NID2: variants seen among roughly 807,000 people sequenced by gnomAD.
NID2 encodes nidogen-2.
In NID2, 83 loss-of-function variants were observed where a neutral mutation model predicts 145.4. That is an observed-to-expected ratio of 0.57 (90% CI 0.48 to 0.69). The LOEUF is 0.69. NID2 is among the 30% of genes least tolerant of loss of function. The pLI is 0.00. For synonymous variants in NID2, 739 were observed against 701.3 expected, an observed-to-expected ratio of 1.05 and a Z score of -0.85; for missense variants, 1,807 against 1,765.7, an observed-to-expected ratio of 1.02 and a Z score of -0.42.
intron 14 of NID2, among the ~76,000 whole-genome samples, chr14:52,016,010 C>T (rs1190683670): frequency 6.6e-6 from 1 of 152,138 alleles, no homozygotes. Context: ...TGAATCTTTT[C>T]CTGCAGGCTC....
In NID2 at chr14:52,027,324, G is replaced by A. The variant is rs1595019121; in HGVS notation, c.2551C>T (p.Pro851Ser). 1.3e-6 allele frequency: 2 copies of A among 1,579,426 alleles called. No individual in the cohort carries two copies. The highest frequency in any genetic ancestry group is 1.2e-5 in the South Asian group (1 of 86,312). ...CAGGTATGACTGCCATCCTCACAGGGGTTGGCAGGTGGGGTGATCACTGAA... is the reference window on the plus strand; with the variant it reads ...CAGGTATGACTGCCATCCTCACAGGAGTTGGCAGGTGGGGTGATCACTGAA... Reference protein sequence around the residue: ...TCILITPPANPCEDGSHTCAP... With the variant: ...TCILITPPANSCEDGSHTCAP... The change falls in exon 12 of 22, where the codon CCC (proline) becomes TCC (serine). Residue 851 changes from proline (P) to serine (S), a missense_variant. Coordinates refer to ENST00000216286, the MANE Select transcript of NID2 (RefSeq NM_007361.4).
rs528612157 is a variant in NID2, at chr14:52,067,888, C to A, written c.504G>T (p.Glu168Asp). ...CCGAGGGCAGCGCCCCGCGCTTGAC[C>A]TCCTCGTAAGCGCCTACCTGCTCCC... is the stretch of plus-strand genomic sequence containing the variant. ...ATWEQVGAYE[E>D]VKRGALPSGE... The change falls in exon 2 of 22, where the codon GAG (glutamate) becomes GAT (aspartate). Residue 168 changes from glutamate (E) to aspartate (D), a missense_variant. Transcript: ENST00000216286. 1 of 1,612,662 alleles carries A rather than the reference C, an allele frequency of 6.2e-7. No individual in the cohort carries two copies. The highest frequency in any genetic ancestry group is 1.7e-5 in the Admixed American group (1 of 59,952).
intron 12 of NID2, 31 bp downstream of exon 12, chr14:52,027,170 C>T (rs1305070797): frequency 1.4e-6 from 2 of 1,437,348 alleles, no homozygotes; most frequent in Non-Finnish European, 1.8e-6. Flanking sequence ...AGCAACTTTC[C>T]AGTCATTGAG....
Position 52,014,442 on chromosome 14 carries a change from C to A in NID2, c.3265G>T (p.Ala1089Ser). The change falls in exon 16 of 22, where the codon GCT (alanine) becomes TCT (serine). Residue 1089 changes from alanine to serine, a missense_variant. By Grantham distance (99) the Ala-to-Ser change is moderately conservative. Transcript: ENST00000216286. ...GGCGTGGGCCGGACCATGGGTGGAG[C>A]GACGGTGGGTATACCTGTGGGAGAG... is the stretch of plus-strand genomic sequence containing the variant. Reference protein sequence around the residue: ...GTTPACIPTVAPPMVRPTPRP... With the variant: ...GTTPACIPTVSPPMVRPTPRP... The A allele has an allele frequency of 6.2e-7, 1 of 1,610,810 alleles. No individual in the cohort carries two copies.
At chr14:52,008,093 G>T (rs984229071) in intron 18 of NID2, 126 bp from the exon 19 acceptor site, 2 of 691,438 alleles carry the variant, frequency 2.9e-6, no homozygotes, top group Non-Finnish European at 4.7e-6. Context: ...CTTGAGTTTG[G>T]GCTGCATTAG....
At chr14:52,006,392 T>G (rs918171480) in intron 20 of NID2, 145 bp downstream of exon 20, 1 of 813,698 alleles carries the variant, frequency 1.2e-6, no homozygotes, top group South Asian at 1.8e-5. Flanking sequence ...CCTTGAAGGA[T>G]CTTATCTGCC....
rs1566741422 is a variant in NID2 at position 52,011,033 on chromosome 14, C to T, written c.3565G>A (p.Glu1189Lys). ...TIVNSGLISP[E>K]GLAIDHIRRT... ...CGGATGTGGTCTATGGCAAGTCCTT[C>T]AGGGCTTATCAGACCTGGAAATAAA... The change falls in exon 18 of 22, where the codon GAA (glutamate) becomes AAA (lysine). Residue 1189 changes from glutamate to lysine, a missense_variant. By Grantham distance (56) the Glu-to-Lys change is moderately conservative. Coordinates refer to ENST00000216286, the MANE Select transcript of NID2 (RefSeq NM_007361.4). 2 of 1,613,664 alleles carry T rather than the reference C, an allele frequency of 1.2e-6. No individual in the cohort carries two copies. Among genetic ancestry groups the T allele is most frequent in the Non-Finnish European group, 8.5e-7 (1 of 1,179,630 alleles).
chr14:52,011,648 C>G lies in NID2; in HGVS notation c.3456G>C (p.Arg1152=). The stretch of plus-strand genomic sequence containing the variant: ...CATCTGTCCAGTACACCATCCTCTC[C>G]CGGCAGTCGTAATCAATTCCCACGA... ...SIIVGIDYDC[R]ERMVYWTDVA... is the part of the protein sequence containing the mutation. Residue 1152 remains arginine, a synonymous_variant, in exon 17 of 22, where the codon CGG becomes CGC. Coordinates refer to ENST00000216286, the MANE Select transcript of NID2 (RefSeq NM_007361.4). 1 of 1,614,194 alleles carries G rather than the reference C, an allele frequency of 6.2e-7. No individual in the cohort carries two copies. The highest frequency in any genetic ancestry group is 1.7e-5 in the Admixed American group (1 of 60,024).
chr14:52,067,949 G>T lies in NID2; in HGVS notation c.443C>A (p.Ala148Glu). The part of the protein sequence containing the change: ...RYVRAGFPRS[A>E]RFTPTHAFLA... The stretch of plus-strand genomic sequence containing the variant: ...GAAGGCGTGGGTGGGGGTAAAGCGC[G>T]CAGAGCGCGGGAAGCCAGCGCGCAC... Residue 148 changes from alanine to glutamate, a missense_variant, in exon 2 of 22, where the codon GCG (alanine) becomes GAG (glutamate). Physicochemically the swap from Ala to Glu is moderately radical, Grantham distance 107. Coordinates refer to ENST00000216286, the MANE Select transcript of NID2 (RefSeq NM_007361.4). 4 of 1,611,448 alleles carry T rather than the reference G, an allele frequency of 2.5e-6. No homozygotes were observed. Among genetic ancestry groups the T allele is most frequent in the Non-Finnish European group, 3.4e-6 (4 of 1,179,184 alleles).
chr14:52,017,769 A>G (rs770890053), intron 14 of NID2, among the ~76,000 whole-genome samples: 2 of 152,070 alleles, frequency 1.3e-5, no homozygotes, highest in Non-Finnish European at 2.9e-5. Context: ...GCGACTATGG[A>G]TCAAACCATT....
At position 52,030,583 on chromosome 14, in the gene NID2, A is replaced by G. The variant is rs1321205283; in HGVS notation, c.2258-893T>C. Among the ~76,000 whole-genome samples, 19 of 7,036 alleles carry G rather than the reference A, an allele frequency of 2.7e-3. 1 individual carries two copies. The South Asian group carries it at 0.031, about 12-fold the overall frequency. 4.6% of individuals were successfully genotyped at this position (7,036 alleles called of 152,430 possible). ...AAGAAAGAAAGGAAGGAAGGGAAAG[A>G]AAGAAAGAAAGAAAGAAAGAAAGAG... On this transcript the variant is annotated intron_variant, in intron 9 of 21. Coordinates refer to ENST00000216286, the MANE Select transcript of NID2 (RefSeq NM_007361.4).
intron 5 of NID2, among the ~76,000 whole-genome samples, chr14:52,046,037 CA>C (rs1892478651): frequency 1.3e-5 from 2 of 152,060 alleles, no homozygotes; most frequent in African/African-American, 2.4e-5. Context: ...AAAGAACAGC[CA>C]TTTGGCTGGG....
intron 17 of NID2, 149 bp from the exon 18 acceptor site, chr14:52,011,196 A>C (rs1469096458): frequency 1.4e-6 from 1 of 699,746 alleles, no homozygotes; most frequent in Non-Finnish European, 2.3e-6. Flanking sequence ...TTAATAGAGA[A>C]ACAAGTACTT....
chr14:52,006,592 A>G lies in NID2; in HGVS notation c.3949T>C (p.Tyr1317His), dbSNP rs1196546075. 6.2e-7 allele frequency: 1 copy of G among 1,613,744 alleles called. No individual in the cohort carries two copies. Residue 1317 changes from tyrosine (Y) to histidine (H), a missense_variant, in exon 20 of 22, where the codon TAC becomes CAC. Coordinates refer to ENST00000216286, the MANE Select transcript of NID2 (RefSeq NM_007361.4). ...GRRVIQNNLK[Y>H]PFSIVSYADH... is the part of the protein sequence containing the mutation. ...GCATAGCTTACGATGCTGAAGGGGT[A>G]CTTGAGGTTGTTTTGAATGACACGC...
intron 19 of NID2, 43 bp downstream of exon 19, chr14:52,007,767 T>C (rs368501566): frequency 5.9e-6 from 9 of 1,530,056 alleles, no homozygotes; most frequent in Non-Finnish European, 8.1e-6. Flanking sequence ...TCACATTCAC[T>C]GTGATGAGAG....
chr14:52,024,930 T>A (rs566465974), intron 12 of NID2, among the ~76,000 whole-genome samples: 4 of 152,274 alleles, frequency 2.6e-5, no homozygotes, highest in African/African-American at 9.6e-5. Flanking sequence ...GATCAAAGCA[T>A]GCAGCATCTA....
intron 13 of NID2, among the ~76,000 whole-genome samples, chr14:52,019,549 C>T (rs986394147): frequency 1.3e-5 from 2 of 152,118 alleles, no homozygotes; most frequent in Non-Finnish European, 2.9e-5. Context: ...TGAGGGATAG[C>T]GGTGGCATCT....
At chr14:52,037,991 T>G (rs1191252682) in intron 9 of NID2, among the ~76,000 whole-genome samples, 1 of 152,236 alleles carries the variant, frequency 6.6e-6, no homozygotes, top group Non-Finnish European at 1.5e-5. Flanking sequence ...GTTCTTTAGT[T>G]CTAATAGTGT....
At chr14:52,033,273 G>A (rs1195742974) in intron 9 of NID2, among the ~76,000 whole-genome samples, 1 of 152,082 alleles carries the variant, frequency 6.6e-6, no homozygotes, top group Non-Finnish European at 1.5e-5. Flanking sequence ...TTCCTTAAAG[G>A]AACAGTCCCT....
Sources: allele counts gnomAD v4.1 joint callset (sites outside exome capture counted in the v4.1 genomes callset), GRCh38; gene constraint gnomAD v4.1.1; transcripts MANE v1.5; gene names NCBI Gene and HGNC (gene_info 2026-07-23, HGNC 2026-07-21).